BSPH1: variants seen among roughly 807,000 people sequenced by gnomAD.
BSPH1 encodes the protein binder of sperm protein homolog 1.
A neutral mutation model predicts 22.5 loss-of-function variants in BSPH1; 21 were observed. The ratio of observed to expected loss-of-function variants is 0.93; its 90% CI spans 0.66 to 1.35. BSPH1 has a LOEUF of 1.35. BSPH1 is among the 40% of genes most tolerant of loss of function. BSPH1 has a pLI of 0.00. For missense variants in BSPH1, 141 were observed against 154.2 expected, an observed-to-expected ratio of 0.91 and a Z score of 0.45; for synonymous variants, 42 against 53.6, an observed-to-expected ratio of 0.78 and a Z score of 0.95.
In BSPH1 at chr19:47,992,050, G is replaced by A. The variant is rs1023445626; in HGVS notation, c.32C>T (p.Thr11Met). The A allele has an allele frequency of 1.5e-5, 23 of 1,551,042 alleles. No individual in the cohort carries two copies. The Admixed American group carries it at 1.8e-4, about 12-fold the overall frequency. Residue 11 changes from threonine to methionine, a missense_variant, in exon 1 of 6, where the codon ACG (threonine) becomes ATG (methionine). Coordinates refer to ENST00000344839, the MANE Select transcript of BSPH1 (RefSeq NM_001128326.2). MGSLMLLFVE[T>M]TRNSSACIFP... is the part of the protein sequence containing the mutation. ...GATGCAAGCTGAGGAATTTCGCGTC[G>A]TTTCCACGAAGAGAAGCATCAGGGA...
intron 1 of BSPH1, among the ~76,000 whole-genome samples, chr19:47,986,936 C>G (rs1969476491): frequency 6.6e-6 from 1 of 152,114 alleles, no homozygotes; most frequent in South Asian, 2.1e-4. Flanking sequence ...TTGGTGGCTG[C>G]TGGCAAGCTG....
chr19:47,989,694 C>T (rs1394741512), intron 1 of BSPH1, among the ~76,000 whole-genome samples: 2 of 152,038 alleles, frequency 1.3e-5, no homozygotes, highest in African/African-American at 2.4e-5. Flanking sequence ...TCCCACCTTC[C>T]GCTTATTTGT....
At chr19:47,971,274 C>T (rs773135882) in intron 5 of BSPH1, among the ~76,000 whole-genome samples, 5 of 152,258 alleles carry the variant, frequency 3.3e-5, no homozygotes, top group Admixed American at 1.3e-4. Context: ...CATGATCTCT[C>T]GGCTCACTGC....
chr19:47,973,347 A>G (rs1214634388), intron 5 of BSPH1, among the ~76,000 whole-genome samples: 1 of 152,074 alleles, frequency 6.6e-6, no homozygotes, highest in Non-Finnish European at 1.5e-5. Context: ...ACTCACTTCT[A>G]GGGAACAGTC....
intron 5 of BSPH1, among the ~76,000 whole-genome samples, chr19:47,971,010 A>C (rs1172049769): frequency 6.6e-6 from 1 of 152,158 alleles, no homozygotes; most frequent in African/African-American, 2.4e-5. Context: ...CATTGTGAAT[A>C]GCTAACTGAT....
Position 47,976,767 on chromosome 19 carries a change from CAT to C in BSPH1, c.342_343del (p.Trp115ValfsTer8), listed in dbSNP as rs754855118. On this transcript the variant is annotated frameshift_variant, in exon 5 of 6. Coordinates refer to ENST00000344839, the MANE Select transcript of BSPH1 (RefSeq NM_001128326.2). LOFTEE classifies it high-confidence loss of function. The stretch of plus-strand genomic sequence containing the variant: ...GTTAAAATTCTTGGTCAGTGAACAC[CAT>C]TTTTTCCCAAATGCTTCCCCATCAT... 16 of 1,551,658 alleles carry C rather than the reference CAT, an allele frequency of 1.0e-5. No individual in the cohort carries two copies. The South Asian group carries it at 1.8e-4, about 17-fold the overall frequency.
rs28523895 is a variant in BSPH1 at position 47,990,270 on chromosome 19, C to T, written c.73+1739G>A. Reference sequence around the variant, plus strand: ...AAAATACAGGCTAACGAGCCCGGGGCCCATGAGTTTTTATTCTCTGATGCA... The same window carrying T: ...AAAATACAGGCTAACGAGCCCGGGGTCCATGAGTTTTTATTCTCTGATGCA... On this transcript the variant is annotated intron_variant, in intron 1 of 5. Coordinates refer to ENST00000344839, the MANE Select transcript of BSPH1 (RefSeq NM_001128326.2). 8.1e-3 allele frequency among the ~76,000 whole-genome samples: 1,234 copies of T among 152,086 alleles called. 24 individuals carry two copies. The highest frequency in any genetic ancestry group is 0.028 in the African/African-American group (1,156 of 41,502).
At chr19:47,977,280 T>G in intron 4 of BSPH1, 93 bp downstream of exon 4, 1 of 928,388 alleles carries the variant, frequency 1.1e-6, no homozygotes, top group South Asian at 1.7e-5. Flanking sequence ...TGGCTATGGA[T>G]TCTATTTTCA....
intron 2 of BSPH1, 105 bp downstream of exon 2, chr19:47,980,816 A>G (rs377619998): frequency 4.6e-6 from 3 of 651,854 alleles, no homozygotes; most frequent in Non-Finnish European, 2.7e-6. Flanking sequence ...GTAATCTTTA[A>G]TGAAAAGTAT....
At chr19:47,987,859 TG>T (rs1358180420) in intron 1 of BSPH1, among the ~76,000 whole-genome samples, 8 of 152,120 alleles carry the variant, frequency 5.3e-5, no homozygotes, top group Admixed American at 3.9e-4. Flanking sequence ...CTGGGCATGG[TG>T]GTGTGCTCCT....
chr19:47,984,386 G>C (rs1356934908), intron 1 of BSPH1, among the ~76,000 whole-genome samples: 1 of 151,628 alleles, frequency 6.6e-6, no homozygotes, highest in Non-Finnish European at 1.5e-5. Flanking sequence ...CTGGAAAATC[G>C]TAACAATTTT....
downstream of BSPH1, among the ~76,000 whole-genome samples, chr19:47,967,832 C>T (rs1258814367): frequency 4.6e-5 from 7 of 152,180 alleles, no homozygotes; most frequent in Admixed American, 4.6e-4. Context: ...ACATTACAGC[C>T]TACTTCCATC....
intron 5 of BSPH1, among the ~76,000 whole-genome samples, chr19:47,968,433 T>A (rs970141584): frequency 6.6e-6 from 1 of 151,282 alleles, no homozygotes; most frequent in African/African-American, 2.4e-5. Flanking sequence ...TCTCAGCTCA[T>A]TGCAACCTCT....
rs753235679 is a variant in BSPH1 at position 47,976,792 on chromosome 19, C to G, written c.319G>C (p.Asp107His). The G allele has an allele frequency of 1.6e-5, 25 of 1,551,532 alleles. No homozygotes were observed. Among genetic ancestry groups the G allele is most frequent in the South Asian group, 5.9e-5 (5 of 84,052 alleles). The part of the protein sequence containing the change: ...RRLIYWECTD[D>H]GEAFGKKWCS... Reference sequence around the variant, plus strand: ...CATTTTTTCCCAAATGCTTCCCCATCATCAGTACACTCCCAGTAGATCAAG... The same window carrying G: ...CATTTTTTCCCAAATGCTTCCCCATGATCAGTACACTCCCAGTAGATCAAG... Residue 107 changes from aspartate (D) to histidine (H), a missense_variant, in exon 5 of 6, where the codon GAT becomes CAT. Transcript: ENST00000344839.
intron 4 of BSPH1, 25 bp downstream of exon 4, chr19:47,977,347 GA>G: frequency 6.5e-7 from 1 of 1,534,206 alleles, no homozygotes; most frequent in Non-Finnish European, 8.8e-7. Flanking sequence ...TTACTGCTCT[GA>G]GGTATTTAGA....
chr19:47,991,881 T>A, intron 1 of BSPH1, 128 bp downstream of exon 1: 4 of 449,568 alleles, frequency 8.9e-6, no homozygotes, highest in Non-Finnish European at 1.7e-5. Flanking sequence ...TTCCTCCTCC[T>A]TCCCCTCTTC....
chr19:47,987,980 A>G (rs1299708253), intron 1 of BSPH1, among the ~76,000 whole-genome samples: 1 of 152,128 alleles, frequency 6.6e-6, no homozygotes, highest in East Asian at 1.9e-4. Flanking sequence ...TGGGTGACAG[A>G]GTGAGCCCTT....
At chr19:47,973,967 A>T (rs1293428621) in intron 5 of BSPH1, among the ~76,000 whole-genome samples, 1 of 152,206 alleles carries the variant, frequency 6.6e-6, no homozygotes, top group East Asian at 1.9e-4. Context: ...ACTTGGAAAT[A>T]AACCCAAACA....
intron 2 of BSPH1, among the ~76,000 whole-genome samples, 166 bp from the exon 3 acceptor site, chr19:47,979,765 T>C (rs1435825247): frequency 6.6e-6 from 1 of 152,132 alleles, no homozygotes; most frequent in Non-Finnish European, 1.5e-5. Context: ...TTTTTCAAAA[T>C]GTATTTTTTT....
Sources: allele counts gnomAD v4.1 joint callset (sites outside exome capture counted in the v4.1 genomes callset), GRCh38; gene constraint gnomAD v4.1.1; transcripts MANE v1.5; gene names NCBI Gene and HGNC (gene_info 2026-07-23, HGNC 2026-07-21).